SETBP1: variants seen among roughly 807,000 people sequenced by gnomAD.
SETBP1 encodes the protein SET-binding protein.
In SETBP1, 9 loss-of-function variants were observed where a neutral mutation model predicts 101.0. That is an observed-to-expected ratio of 0.09 (90% CI 0.05 to 0.16). The LOEUF (loss-of-function observed/expected upper bound fraction) is 0.16, where lower values mean the gene tolerates loss of function less well. Among genes scored for constraint, SETBP1 ranks in the 10% least tolerant of loss-of-function variants. The pLI, the probability that SETBP1 is intolerant of heterozygous loss-of-function variation, is 1.00. For missense variants in SETBP1, 1,858 were observed against 2,033.8 expected (o/e 0.91, Z 1.66); for synonymous variants, 818 against 788.5 (o/e 1.04, Z -0.63).
At chr18:44,818,970 ATGTGTG>A (rs34458305) in intron 2 of SETBP1, among the ~76,000 whole-genome samples, 7 of 148,394 alleles carry the variant, frequency 4.7e-5, no homozygotes, top group Admixed American at 1.3e-4. Context: ...ATTTCACTGA[ATGTGTG>A]TGTGTGTGTG....
At chr18:44,737,614 G>A (rs193276528) in intron 2 of SETBP1, among the ~76,000 whole-genome samples, 151 of 152,344 alleles carry the variant, frequency 9.9e-4, no homozygotes, top group African/African-American at 3.5e-3. Flanking sequence ...TGTAACCTTA[G>A]AAGGGTCACT....
intron 4 of SETBP1, among the ~76,000 whole-genome samples, chr18:44,990,927 G>GAAAAAAAAAAAAAAAAAAAAAAAAAAAAA (rs996043221): frequency 1.6e-5 from 1 of 63,188 alleles, no homozygotes; most frequent in Non-Finnish European, 3.3e-5. Flanking sequence ...CAGAGAGAGA[G>GAAAAAAAAAAAAAAAAAAAAAAAAAAAAA]AAAAAAAAAA....
At chr18:44,823,466 G>A (rs1387369163) in intron 2 of SETBP1, among the ~76,000 whole-genome samples, 2 of 152,168 alleles carry the variant, frequency 1.3e-5, no homozygotes, top group East Asian at 3.9e-4. Context: ...GAAATAGGTG[G>A]CATTTATTTC....
At chr18:44,768,831 T>C (rs2070815348) in intron 2 of SETBP1, among the ~76,000 whole-genome samples, 1 of 152,232 alleles carries the variant, frequency 6.6e-6, no homozygotes. Flanking sequence ...GAAACCCTCA[T>C]AAGAAGACAA....
intron 2 of SETBP1, among the ~76,000 whole-genome samples, chr18:44,830,393 G>A (rs906506102): frequency 1.3e-5 from 2 of 152,270 alleles, no homozygotes; most frequent in Middle Eastern, 3.4e-3. Context: ...TACAATTTGA[G>A]GACTGGCCTA....
At chr18:44,813,206 A>C (rs2071900561) in intron 2 of SETBP1, among the ~76,000 whole-genome samples, 1 of 152,218 alleles carries the variant, frequency 6.6e-6, no homozygotes, top group Non-Finnish European at 1.5e-5. Flanking sequence ...TTCTGTGGCC[A>C]TGTCCTTTCA....
At chr18:44,945,136 C>T (rs1321623315) in intron 3 of SETBP1, among the ~76,000 whole-genome samples, 1 of 152,128 alleles carries the variant, frequency 6.6e-6, no homozygotes, top group Admixed American at 6.6e-5. Flanking sequence ...TCTCCTAATG[C>T]TATCCCTCCG....
Position 44,950,302 on chromosome 18 carries a change from G to A in SETBP1, c.962G>A (p.Gly321Asp), listed in dbSNP as rs765067275. ...LQPLVDQDGG[G>D]TKEPPEPPTV... is the part of the protein sequence containing the mutation. ...CCCTTGGTGGATCAAGATGGAGGAG[G>A]TACAAAGGAGCCCCCAGAACCACCT... The change falls in exon 4 of 6, where the codon GGT becomes GAT. Residue 321 changes from glycine (G) to aspartate (D), a missense_variant. Transcript: ENST00000649279. 2 of 1,614,034 alleles carry A rather than the reference G, an allele frequency of 1.2e-6. No homozygotes were observed. Among genetic ancestry groups the A allele is most frequent in the South Asian group, 1.1e-5 (1 of 91,086 alleles).
chr18:44,839,122 A>T (rs2072559323), intron 2 of SETBP1, among the ~76,000 whole-genome samples: 1 of 152,186 alleles, frequency 6.6e-6, no homozygotes, highest in East Asian at 1.9e-4. Flanking sequence ...TAAAGAATTA[A>T]CTATTACAGG....
At chr18:45,040,908 T>A (rs2073494996) in intron 5 of SETBP1, among the ~76,000 whole-genome samples, 2 of 152,156 alleles carry the variant, frequency 1.3e-5, no homozygotes. Flanking sequence ...GCTGGACTTT[T>A]GGGGGGAAAT....
intron 2 of SETBP1, among the ~76,000 whole-genome samples, chr18:44,741,492 A>G (rs1483270753): frequency 1.3e-5 from 2 of 152,156 alleles, no homozygotes; most frequent in Non-Finnish European, 2.9e-5. Flanking sequence ...ATGCAAACCC[A>G]TGACCCTAGA....
intron 2 of SETBP1, among the ~76,000 whole-genome samples, chr18:44,778,704 G>C (rs554323832): frequency 6.6e-5 from 10 of 152,144 alleles, no homozygotes; most frequent in Non-Finnish European, 1.5e-4. Flanking sequence ...TTTTGCATCT[G>C]TTCCTGTCTC....
At chr18:44,851,003 C>T (rs1599221737) in intron 2 of SETBP1, among the ~76,000 whole-genome samples, 1 of 152,200 alleles carries the variant, frequency 6.6e-6, no homozygotes. Context: ...AGGATCTATT[C>T]AACCTTGGGA....
In SETBP1 at chr18:44,950,669, G is replaced by A; in HGVS notation, c.1329G>A (p.Met443Ile). The change falls in exon 4 of 6, where the codon ATG (methionine) becomes ATA (isoleucine). Residue 443 changes from methionine to isoleucine, a missense_variant. Physicochemically the swap from Met to Ile is conservative, Grantham distance 10. Transcript: ENST00000649279. ...AAGCCTTGGCTTCTGGAATCACCATGAGCAGTGAAGTAGTTAACAGGATAC... is the reference window on the plus strand; with the variant it reads ...AAGCCTTGGCTTCTGGAATCACCATAAGCAGTGAAGTAGTTAACAGGATAC... Reference protein sequence around the residue: ...PEKALASGITMSSEVVNRILS... With the variant: ...PEKALASGITISSEVVNRILS... 6.2e-7 allele frequency: 1 copy of A among 1,614,166 alleles called. No homozygotes were observed. The highest frequency in any genetic ancestry group is 1.1e-5 in the South Asian group (1 of 91,078).
At chr18:44,886,754 TTTATTATTA>T (rs4024294) in intron 3 of SETBP1, among the ~76,000 whole-genome samples, 1,823 of 143,076 alleles carry the variant, frequency 0.013, 18 homozygotes, top group African/African-American at 0.017. Context: ...GACTGTACAT[TTTATTATTA>T]TTATTATTAT....
intron 5 of SETBP1, among the ~76,000 whole-genome samples, chr18:45,039,393 G>A (rs1283862568): frequency 6.6e-6 from 1 of 152,112 alleles, no homozygotes; most frequent in Non-Finnish European, 1.5e-5. Flanking sequence ...CAGGCCTTGG[G>A]TTTGGCTTAA....
intron 4 of SETBP1, among the ~76,000 whole-genome samples, chr18:44,970,569 G>A (rs944671823): frequency 1.4e-5 from 2 of 144,544 alleles, no homozygotes; most frequent in Non-Finnish European, 3.0e-5. Flanking sequence ...TTTTTTTTTT[G>A]GAACAGAGTG....
intron 3 of SETBP1, among the ~76,000 whole-genome samples, chr18:44,912,254 T>A (rs1434609800): frequency 6.6e-6 from 1 of 152,186 alleles, no homozygotes; most frequent in African/African-American, 2.4e-5. Context: ...TCAAGGCATA[T>A]AATGATAGCT....
intron 2 of SETBP1, among the ~76,000 whole-genome samples, chr18:44,852,841 A>G (rs975568046): frequency 1.3e-5 from 2 of 152,070 alleles, no homozygotes; most frequent in African/African-American, 4.8e-5. Flanking sequence ...TCTAATTTCT[A>G]ATGGTGGCCC....
Sources: gnomAD v4.1 joint callset for allele counts (sites outside exome capture counted in the v4.1 genomes callset) on GRCh38, gnomAD v4.1.1 for gene constraint, MANE v1.5 for transcripts, NCBI Gene and HGNC (gene_info 2026-07-23, HGNC 2026-07-21) for gene names.